The following LANCL3 variants were observed in gnomAD, a reference collection of about 807,000 sequenced individuals.
LANCL3 encodes LanC like family member 3.
A neutral mutation model predicts 26.5 loss-of-function variants in LANCL3; 19 were observed. The observed-to-expected ratio is 0.72, with a 90% confidence interval of 0.50 to 1.05. LANCL3 has a LOEUF of 1.05. LANCL3 is among the 50% of genes least tolerant of loss of function. LANCL3 has a pLI of 0.00. For synonymous variants in LANCL3, 160 were observed against 166.6 expected (o/e 0.96, Z 0.30); for missense variants, 318 against 362.7 (o/e 0.88, Z 1.00).
intron 1 of LANCL3, among the ~76,000 whole-genome samples, chrX:37,606,591 G>A (rs781875315): frequency 8.9e-6 from 1 of 111,835 alleles, no homozygotes; most frequent in Admixed American, 9.4e-5. Context: ...GTAAGTATTT[G>A]TTGAATGAAT....
chrX:37,590,042 T>C (rs1419891347), intron 1 of LANCL3, among the ~76,000 whole-genome samples: 12 of 112,895 alleles, frequency 1.1e-4, no homozygotes, highest in African/African-American at 3.9e-4. Context: ...TGCAGTGTTA[T>C]AAGAATTGGC....
intron 1 of LANCL3, among the ~76,000 whole-genome samples, chrX:37,607,969 A>AT (rs1461068575): frequency 8.9e-6 from 1 of 112,296 alleles, no homozygotes; most frequent in Non-Finnish European, 1.9e-5. Flanking sequence ...GTATTTAGTC[A>AT]TTTTGACAAG....
Position 37,572,027 on chromosome X carries a change from G to C in LANCL3, c.157G>C (p.Gly53Arg). The C allele has an allele frequency of 8.4e-7, 1 of 1,185,278 alleles. No individual in the cohort carries two copies. The highest frequency in any genetic ancestry group is 2.3e-5 in the Admixed American group (1 of 43,073). Residue 53 changes from glycine to arginine, a missense_variant, in exon 1 of 5, where the codon GGG becomes CGG. Transcript: ENST00000378619. ...ACTCGGGGGCGGCGCGGAGGCCCGAGGGGCGACGGCGGGGGCTAGCGCCTG... is the reference window on the plus strand; with the variant it reads ...ACTCGGGGGCGGCGCGGAGGCCCGACGGGCGACGGCGGGGGCTAGCGCCTG... ...PPLGGGAEAR[G>R]ATAGASACQG...
chrX:37,584,636 T>A (rs1447996049), intron 1 of LANCL3, among the ~76,000 whole-genome samples: 35 of 111,896 alleles, frequency 3.1e-4, no homozygotes, highest in African/African-American at 8.8e-4. Context: ...CTGATGGTAG[T>A]TTGTATTTCT....
Position 37,600,983 on chromosome X carries a change from A to G in LANCL3, c.573+28540A>G, listed in dbSNP as rs782194615. ...AAAACATTCAGCTGACACTAGGGAT[A>G]CTATTCGTGTTGGAAACCACTCCTT... On this transcript the variant is annotated intron_variant, in intron 1 of 4. Transcript: ENST00000378619. 2.7e-5 allele frequency among the ~76,000 whole-genome samples: 3 copies of G among 112,038 alleles called. No homozygotes were observed. The Admixed American group carries it at 2.8e-4, about 11-fold the overall frequency.
chrX:37,658,223 A>G (rs1323187017), intron 2 of LANCL3, among the ~76,000 whole-genome samples: 3 of 112,028 alleles, frequency 2.7e-5, no homozygotes, highest in Non-Finnish European at 5.6e-5. Flanking sequence ...CATTCCTTCT[A>G]TTAGTCCTTG....
Position 37,609,703 on chromosome X carries a change from C to T in LANCL3, c.573+37260C>T, listed in dbSNP as rs981858393. Among the ~76,000 whole-genome samples the T allele has an allele frequency of 6.3e-5, 7 of 110,549 alleles. No homozygotes were observed. In the Admixed American group the frequency reaches 6.7e-4, roughly 11 times the overall value. ...AGAGTGGATGGGATAAAAAAAAACC[C>T]CTATATGTATAGTGACACACTATAC... On this transcript the variant is annotated intron_variant, in intron 1 of 4. Coordinates refer to ENST00000378619, the MANE Select transcript of LANCL3 (RefSeq NM_001170331.2).
intron 1 of LANCL3, among the ~76,000 whole-genome samples, chrX:37,595,540 T>C (rs1924401431): frequency 1.8e-5 from 2 of 112,050 alleles, no homozygotes; most frequent in Non-Finnish European, 3.8e-5. Flanking sequence ...CTACCACTTG[T>C]ATATTATAAA....
chrX:37,622,999 C>T (rs1556422524), intron 1 of LANCL3, among the ~76,000 whole-genome samples: 1 of 112,303 alleles, frequency 8.9e-6, no homozygotes, highest in African/African-American at 3.2e-5. Flanking sequence ...ATTATTTCAA[C>T]TGTACAATTG....
chrX:37,590,607 A>G (rs1288115291), intron 1 of LANCL3, among the ~76,000 whole-genome samples: 11 of 111,736 alleles, frequency 9.8e-5, no homozygotes, highest in Non-Finnish European at 5.6e-5. Context: ...CAACTACACT[A>G]CTCTAATAAT....
At chrX:37,671,640 T>C (rs556809393) in intron 4 of LANCL3, among the ~76,000 whole-genome samples, 1 of 111,175 alleles carries the variant, frequency 9.0e-6, no homozygotes, top group Non-Finnish European at 1.9e-5. Flanking sequence ...CCTCAAGACC[T>C]TGGAAGTTTT....
chrX:37,671,963 A>G (rs782634276), intron 4 of LANCL3, among the ~76,000 whole-genome samples: 1 of 111,539 alleles, frequency 9.0e-6, no homozygotes, highest in Admixed American at 9.5e-5. Flanking sequence ...AGAAAAAGAA[A>G]GTAATTTTGG....
chrX:37,613,177 T>C (rs1924926101), intron 1 of LANCL3, among the ~76,000 whole-genome samples: 1 of 109,585 alleles, frequency 9.1e-6, no homozygotes, highest in Non-Finnish European at 1.9e-5. Flanking sequence ...GCTTGATTTT[T>C]CTTTATGGCC....
chrX:37,652,870 A>G (rs1462567636), intron 1 of LANCL3, among the ~76,000 whole-genome samples: 2 of 112,095 alleles, frequency 1.8e-5, no homozygotes, highest in African/African-American at 6.5e-5. Flanking sequence ...CCCTTACCCC[A>G]GAATCTCAAC....
intron 1 of LANCL3, among the ~76,000 whole-genome samples, chrX:37,650,615 G>C (rs1926112592): frequency 9.3e-6 from 1 of 106,957 alleles, no homozygotes; most frequent in African/African-American, 3.4e-5. Context: ...AAAGGGAGTA[G>C]CCCTAAACTG....
intron 1 of LANCL3, among the ~76,000 whole-genome samples, chrX:37,607,393 T>C (rs1924746934): frequency 8.9e-6 from 1 of 112,284 alleles, no homozygotes; most frequent in East Asian, 2.8e-4. Context: ...GGAAAGTCTA[T>C]CTGTGTCATC....
chrX:37,630,606 T>C (rs782514336), intron 1 of LANCL3, among the ~76,000 whole-genome samples: 7,416 of 108,092 alleles, frequency 0.069, 743 homozygotes, highest in African/African-American at 0.25. Flanking sequence ...ATAGCTCTTA[T>C]TATTTTGAGA....
At chrX:37,643,920 C>G (rs913284978) in intron 1 of LANCL3, among the ~76,000 whole-genome samples, 10 of 111,511 alleles carry the variant, frequency 9.0e-5, no homozygotes, top group Non-Finnish European at 1.9e-4. Flanking sequence ...GAAACCCTTA[C>G]AGCAACCCAG....
intron 1 of LANCL3, among the ~76,000 whole-genome samples, chrX:37,624,444 TAATATC>T (rs1374208051): frequency 1.8e-5 from 2 of 112,185 alleles, no homozygotes; most frequent in African/African-American, 6.5e-5. Context: ...TTTAAAATAT[TAATATC>T]ATGTTATGTA....
Sources: gnomAD v4.1 joint callset for allele counts (sites outside exome capture counted in the v4.1 genomes callset) on GRCh38, gnomAD v4.1.1 for gene constraint, MANE v1.5 for transcripts, NCBI Gene and HGNC (gene_info 2026-07-23, HGNC 2026-07-21) for gene names.